HS6ST3: variants seen among roughly 807,000 people sequenced by gnomAD.
The protein encoded by HS6ST3 is heparan sulfate 6-O-sulfotransferase 3.
In HS6ST3, 12 loss-of-function variants were observed where a neutral mutation model predicts 36.7. The observed-to-expected ratio is 0.33, with a 90% CI of 0.21 to 0.53. The LOEUF is 0.53. Ranked by LOEUF, HS6ST3 falls within the 20% of genes least tolerant of loss-of-function variation. The pLI is 0.95. For missense variants in HS6ST3, 584 were observed against 640.9 expected (o/e 0.91, Z 0.96); for synonymous variants, 240 against 257.5 (o/e 0.93, Z 0.65).
intron 1 of HS6ST3, among the ~76,000 whole-genome samples, chr13:96,267,854 G>A (rs1218009668): frequency 6.6e-6 from 1 of 151,914 alleles, no homozygotes; most frequent in East Asian, 1.9e-4. Context: ...GTTACCATTG[G>A]GCTTATCATG....
chr13:96,357,776 C>A (rs1305667690), intron 1 of HS6ST3, among the ~76,000 whole-genome samples: 1 of 152,108 alleles, frequency 6.6e-6, no homozygotes, highest in Non-Finnish European at 1.5e-5. Context: ...CCTGCCTTGG[C>A]CTCTTAAAGT....
chr13:96,715,212 T>C (rs1875663750), intron 1 of HS6ST3, among the ~76,000 whole-genome samples: 1 of 151,978 alleles, frequency 6.6e-6, no homozygotes, highest in South Asian at 2.1e-4. Context: ...GGCAAACTAG[T>C]TACTTAAAGT....
intron 1 of HS6ST3, among the ~76,000 whole-genome samples, chr13:96,819,503 G>A (rs1878487285): frequency 6.6e-6 from 1 of 152,104 alleles, no homozygotes; most frequent in African/African-American, 2.4e-5. Context: ...GTAGAATAAA[G>A]CGTTAATTTT....
chr13:96,476,238 A>G (rs2055863343), intron 1 of HS6ST3, among the ~76,000 whole-genome samples: 1 of 152,188 alleles, frequency 6.6e-6, no homozygotes, highest in South Asian at 2.1e-4. Flanking sequence ...CACTCCAGAT[A>G]ATTAGGTTAA....
chr13:96,265,290 T>C (rs560748314), intron 1 of HS6ST3, among the ~76,000 whole-genome samples: 1 of 152,098 alleles, frequency 6.6e-6, no homozygotes, highest in African/African-American at 2.4e-5. Context: ...TCCTCCCACC[T>C]GAGCCTCACA....
At chr13:96,246,769 A>T (rs934237607) in intron 1 of HS6ST3, among the ~76,000 whole-genome samples, 4 of 152,150 alleles carry the variant, frequency 2.6e-5, no homozygotes, top group African/African-American at 9.7e-5. Flanking sequence ...AGAAGATCGG[A>T]TTGCATAGAA....
At chr13:96,454,411 T>C (rs927818065) in intron 1 of HS6ST3, among the ~76,000 whole-genome samples, 1 of 152,190 alleles carries the variant, frequency 6.6e-6, no homozygotes, top group Non-Finnish European at 1.5e-5. Flanking sequence ...GAAAATTTGA[T>C]TTTGCTGTGT....
intron 1 of HS6ST3, among the ~76,000 whole-genome samples, chr13:96,596,069 A>G (rs571978647): frequency 6.6e-6 from 1 of 152,112 alleles, no homozygotes; most frequent in African/African-American, 2.4e-5. Flanking sequence ...GGTACTCAAC[A>G]GGTAATTTTT....
At chr13:96,478,013 T>C (rs1449496702) in intron 1 of HS6ST3, among the ~76,000 whole-genome samples, 1 of 152,058 alleles carries the variant, frequency 6.6e-6, no homozygotes, top group Non-Finnish European at 1.5e-5. Flanking sequence ...AAACAAAGTA[T>C]CAAGAAGAGA....
chr13:96,748,384 G>A (rs1379600614), intron 1 of HS6ST3, among the ~76,000 whole-genome samples: 2 of 151,964 alleles, frequency 1.3e-5, no homozygotes, highest in Non-Finnish European at 2.9e-5. Context: ...GGAATCAGGG[G>A]GAAAACCTTC....
intron 1 of HS6ST3, among the ~76,000 whole-genome samples, chr13:96,275,316 T>C (rs1027627448): frequency 2.6e-5 from 4 of 152,156 alleles, no homozygotes; most frequent in African/African-American, 7.2e-5. Context: ...TATTATAAAA[T>C]CAATTTCATG....
intron 1 of HS6ST3, among the ~76,000 whole-genome samples, chr13:96,753,431 A>C (rs993631317): frequency 2.2e-4 from 34 of 152,268 alleles, no homozygotes; most frequent in Non-Finnish European, 7.4e-5. Flanking sequence ...AATGATCTAC[A>C]TCTTTTATTA....
intron 1 of HS6ST3, among the ~76,000 whole-genome samples, chr13:96,595,780 A>T (rs1274536133): frequency 1.3e-5 from 2 of 151,234 alleles, no homozygotes; most frequent in African/African-American, 4.9e-5. Flanking sequence ...CAAGTACACA[A>T]GTACTTTTTC....
At chr13:96,383,094 C>A (rs1030648765) in intron 1 of HS6ST3, among the ~76,000 whole-genome samples, 1 of 152,136 alleles carries the variant, frequency 6.6e-6, no homozygotes, top group Admixed American at 6.5e-5. Context: ...GACAAAGGTG[C>A]CTAATCTAGA....
At chr13:96,581,052 A>G (rs1594811593) in intron 1 of HS6ST3, among the ~76,000 whole-genome samples, 1 of 152,204 alleles carries the variant, frequency 6.6e-6, no homozygotes, top group South Asian at 2.1e-4. Flanking sequence ...AGTTAAAAGA[A>G]CTTGCTTAAT....
chr13:96,452,358 C>T (rs577010361), intron 1 of HS6ST3, among the ~76,000 whole-genome samples: 57 of 152,224 alleles, frequency 3.7e-4, no homozygotes, highest in African/African-American at 1.3e-3. Context: ...TTTTCTTACT[C>T]CAAGAAATTA....
intron 1 of HS6ST3, among the ~76,000 whole-genome samples, chr13:96,718,908 G>A (rs918946821): frequency 6.6e-6 from 1 of 152,124 alleles, no homozygotes; most frequent in African/African-American, 2.4e-5. Context: ...TTATAAAGAT[G>A]CTTGTTCCTT....
At chr13:96,793,242 C>A (rs931511574) in intron 1 of HS6ST3, among the ~76,000 whole-genome samples, 3 of 152,036 alleles carry the variant, frequency 2.0e-5, no homozygotes, top group African/African-American at 7.2e-5. Flanking sequence ...AGAACAGCTG[C>A]ACACAGAAGG....
At chr13:96,708,225 GCACTTAGAAGC>G (rs1875476006) in intron 1 of HS6ST3, among the ~76,000 whole-genome samples, 1 of 152,160 alleles carries the variant, frequency 6.6e-6, no homozygotes, top group Admixed American at 6.5e-5. Flanking sequence ...AATAAACAAT[GCACTTAGAAGC>G]CACTTTACCC....
Sources: allele counts gnomAD v4.1 joint callset (sites outside exome capture counted in the v4.1 genomes callset), GRCh38; gene constraint gnomAD v4.1.1; transcripts MANE v1.5; gene names NCBI Gene and HGNC (gene_info 2026-07-23, HGNC 2026-07-21).